SPATA9: variants seen among roughly 807,000 people sequenced by gnomAD.
SPATA9 encodes the protein spermatogenesis associated 9.
A neutral mutation model predicts 25.5 loss-of-function variants in SPATA9; 27 were observed. The observed-to-expected ratio is 1.06, with a 90% CI of 0.78 to 1.46. SPATA9 has a LOEUF of 1.46. SPATA9 is among the 40% of genes most tolerant of loss of function. The probability of loss-of-function intolerance (pLI) is 0.00; values close to 1 mark genes in which losing one functional copy is unlikely to be tolerated. For missense variants in SPATA9, 282 were observed against 297.5 expected, an observed-to-expected ratio of 0.95 and a Z score of 0.38; for synonymous variants, 102 against 105.7, an observed-to-expected ratio of 0.97 and a Z score of 0.21.
At chr5:95,680,339 G>A (rs1398413220) in intron 2 of SPATA9, among the ~76,000 whole-genome samples, 1 of 152,160 alleles carries the variant, frequency 6.6e-6, no homozygotes, top group Non-Finnish European at 1.5e-5. Flanking sequence ...TGAATGAGGG[G>A]TTCCACGTAA....
At chr5:95,674,676 G>A (rs1022788587) in intron 3 of SPATA9, 17 of 439,380 alleles carry the variant, frequency 3.9e-5, no homozygotes, top group Admixed American at 7.6e-5. Flanking sequence ...GGAAGGTATC[G>A]TTTGAATACC....
chr5:95,656,135 C>T (rs187589891), downstream of SPATA9: 30 of 1,613,698 alleles, frequency 1.9e-5, no homozygotes, highest in East Asian at 6.5e-4. Flanking sequence ...AGTCTATAAA[C>T]CCTAAAGATC....
chr5:95,709,119 CCTT>C, the SPATA9 span, among the ~76,000 whole-genome samples: 4 of 152,050 alleles, frequency 2.6e-5, no homozygotes, highest in Admixed American at 2.0e-4. Flanking sequence ...AGGAGTGAGT[CCTT>C]CTCTCTGGAA....
intron 3 of SPATA9, 65 bp from the exon 4 acceptor site, chr5:95,664,113 C>T (rs1561397137): frequency 1.9e-5 from 17 of 888,916 alleles, no homozygotes; most frequent in Non-Finnish European, 2.3e-5. Context: ...TCATATTGTA[C>T]AATGTTACTG....
At chr5:95,655,917 T>G, downstream of SPATA9, 1 of 759,162 alleles carries the variant, frequency 1.3e-6, no homozygotes, top group South Asian at 1.9e-5. Context: ...GCTGAATAAT[T>G]TGTACATAGG....
the SPATA9 span, among the ~76,000 whole-genome samples, chr5:95,718,530 C>T: frequency 6.6e-6 from 1 of 152,246 alleles, no homozygotes; most frequent in East Asian, 1.9e-4. Context: ...AAGAGATATC[C>T]AAGTTAGAGA....
chr5:95,654,977 A>G (rs1203218299), downstream of SPATA9, among the ~76,000 whole-genome samples: 1 of 152,142 alleles, frequency 6.6e-6, no homozygotes, highest in African/African-American at 2.4e-5. Context: ...CTGAGGAGGA[A>G]CGGGGGAAGT....
the SPATA9 span, among the ~76,000 whole-genome samples, chr5:95,716,621 G>A: frequency 6.6e-6 from 1 of 152,188 alleles, no homozygotes; most frequent in East Asian, 1.9e-4. Flanking sequence ...TTGAGTTAAT[G>A]CTAAAATGAG....
At chr5:95,716,450 C>A in the SPATA9 span, among the ~76,000 whole-genome samples, 1 of 152,220 alleles carries the variant, frequency 6.6e-6, no homozygotes, top group African/African-American at 2.4e-5. Context: ...GGGCCTGTAG[C>A]CCCTTCATTT....
chr5:95,654,227 C>G (rs764934254), downstream of SPATA9: 1 of 1,611,710 alleles, frequency 6.2e-7, no homozygotes, highest in South Asian at 1.1e-5. Flanking sequence ...TATGGATATT[C>G]GCTGTTACCG....
At chr5:95,688,522 G>C (rs1191627479) in intron 1 of SPATA9, among the ~76,000 whole-genome samples, 2 of 152,118 alleles carry the variant, frequency 1.3e-5, no homozygotes, top group Admixed American at 1.3e-4. Context: ...AATATGCTTG[G>C]ATTACAGGTA....
At chr5:95,684,976 A>T (rs1299577854), upstream of SPATA9, among the ~76,000 whole-genome samples, 1 of 152,238 alleles carries the variant, frequency 6.6e-6, no homozygotes, top group African/African-American at 2.4e-5. Context: ...CACAGCTTTG[A>T]AGAAAATGAA....
chr5:95,695,829 C>T (rs1224890874), intron 1 of SPATA9, among the ~76,000 whole-genome samples: 1 of 152,108 alleles, frequency 6.6e-6, no homozygotes, highest in Non-Finnish European at 1.5e-5. Flanking sequence ...TTGAGTGTGG[C>T]CTGGACTTAT....
intron 3 of SPATA9, 116 bp downstream of exon 3, chr5:95,675,296 C>T: frequency 2.5e-6 from 2 of 809,844 alleles, no homozygotes; most frequent in East Asian, 2.7e-5. Context: ...TTTCTCTTAT[C>T]CAAGTATATC....
chr5:95,703,609 G>T (rs1754226241), upstream of SPATA9, among the ~76,000 whole-genome samples: 1 of 151,736 alleles, frequency 6.6e-6, no homozygotes, highest in African/African-American at 2.4e-5. Context: ...ATTCCAGCCT[G>T]GGCAATCAGA....
downstream of SPATA9, chr5:95,655,985 T>C: frequency 2.7e-6 from 4 of 1,485,528 alleles, no homozygotes; most frequent in Middle Eastern, 1.8e-4. Context: ...AGCAGACTCT[T>C]CAGAGTCTAT....
Position 95,663,999 on chromosome 5 carries a change from G to A in SPATA9, c.428C>T (p.Ala143Val). The change falls in exon 4 of 5, where the codon GCT becomes GTT. Residue 143 changes from alanine to valine, a missense_variant. Coordinates refer to ENST00000274432, the MANE Select transcript of SPATA9 (RefSeq NM_031952.4). ...TGAAGCATATATTATGCTAGTTAAA[G>A]CAGTCTTTGCTGGAAAGGAGATGAT... is the stretch of plus-strand genomic sequence containing the variant. ...FEIISFPAKT[A>V]LTSIIYASYA... 6.3e-7 allele frequency: 1 copy of A among 1,598,456 alleles called. No homozygotes were observed.
the SPATA9 span, among the ~76,000 whole-genome samples, chr5:95,718,812 G>A: frequency 2.6e-5 from 4 of 152,146 alleles, no homozygotes; most frequent in African/African-American, 7.2e-5. Context: ...GGAAGAAAAC[G>A]AAGACAGAAG....
chr5:95,721,657 G>A, the SPATA9 span, among the ~76,000 whole-genome samples: 1 of 148,500 alleles, frequency 6.7e-6, no homozygotes, highest in Non-Finnish European at 1.5e-5. Context: ...TATTTAAGGA[G>A]CTCTAAAGAG....
Sources: gnomAD v4.1 joint callset for allele counts (sites outside exome capture counted in the v4.1 genomes callset) on GRCh38, gnomAD v4.1.1 for gene constraint, MANE v1.5 for transcripts, NCBI Gene and HGNC (gene_info 2026-07-23, HGNC 2026-07-21) for gene names.